MKX: variants seen among roughly 807,000 people sequenced by gnomAD.
The protein encoded by MKX is homeobox protein Mohawk.
In MKX, 13 loss-of-function variants were observed where a neutral mutation model predicts 36.0. That is an observed-to-expected ratio of 0.36 (90% confidence interval 0.24 to 0.57). MKX has a LOEUF of 0.57. MKX is among the 20% of genes least tolerant of loss of function. The probability of loss-of-function intolerance (pLI) is 0.79; values close to 1 mark genes in which losing one functional copy is unlikely to be tolerated. For missense variants in MKX, 458 were observed against 456.4 expected, an observed-to-expected ratio of 1.00 and a Z score of -0.03; for synonymous variants, 176 against 178.3, an observed-to-expected ratio of 0.99 and a Z score of 0.10.
chr10:27,745,116 G>C (rs1835022923), intron 1 of MKX, among the ~76,000 whole-genome samples: 1 of 152,044 alleles, frequency 6.6e-6, no homozygotes, highest in Non-Finnish European at 1.5e-5. Context: ...ACCCTTCCCC[G>C]GCCCGGCCTT....
intron 5 of MKX, among the ~76,000 whole-genome samples, chr10:27,690,918 T>C (rs1836442683): frequency 1.3e-5 from 2 of 152,186 alleles, no homozygotes; most frequent in Admixed American, 6.5e-5. Context: ...CCCCATGCTG[T>C]TCTCATGATA....
chr10:27,687,903 C>T (rs971097741), intron 5 of MKX, among the ~76,000 whole-genome samples: 18 of 152,176 alleles, frequency 1.2e-4, no homozygotes, highest in African/African-American at 2.7e-4. Context: ...GTATTCACCA[C>T]GAGGGTGGTC....
chr10:27,718,514 G>A, intron 5 of MKX: 1 of 384,804 alleles, frequency 2.6e-6, no homozygotes, highest in African/African-American at 2.1e-5. Context: ...GGAAATATTG[G>A]CAAGAAGGAG....
At chr10:27,723,540 A>C (rs1834424399) in intron 5 of MKX, among the ~76,000 whole-genome samples, 1 of 152,234 alleles carries the variant, frequency 6.6e-6, no homozygotes, top group Admixed American at 6.5e-5. Flanking sequence ...CAGCCACAAT[A>C]TTGCAACCAT....
At chr10:27,695,182 G>T (rs184266520) in intron 5 of MKX, among the ~76,000 whole-genome samples, 1 of 152,052 alleles carries the variant, frequency 6.6e-6, no homozygotes, top group East Asian at 1.9e-4. Flanking sequence ...CAGCAGTAGC[G>T]TGCCACTGTC....
chr10:27,717,411 C>T lies in MKX; in HGVS notation c.838+17045G>A, dbSNP rs1290010957. Among the ~76,000 whole-genome samples the T allele has an allele frequency of 2.0e-5, 3 of 152,228 alleles. No individual in the cohort carries two copies. The East Asian group carries it at 5.8e-4, about 29-fold the overall frequency. On this transcript the variant is annotated intron_variant, in intron 5 of 6. Coordinates refer to ENST00000419761, the MANE Select transcript of MKX (RefSeq NM_173576.3). The stretch of plus-strand genomic sequence containing the variant: ...CTGTAGTCATCAGTTTTCAACTTGA[C>T]ATTGTTAATGAATTCAGAAACCACA...
rs74129337 is a variant in MKX at position 27,694,832 on chromosome 10, G to A, written c.839-19278C>T. On this transcript the variant is annotated intron_variant, in intron 5 of 6. Transcript: ENST00000419761. ...TATCATACAAAAAAGCCTGGCACTC[G>A]TACACAAGAGTAAACAGACTACATA... 2.8e-3 allele frequency among the ~76,000 whole-genome samples: 424 copies of A among 151,068 alleles called. 8 individuals are homozygous for A. The highest frequency in any genetic ancestry group is 0.019 in the Admixed American group (288 of 15,170).
chr10:27,731,050 C>T (rs576812296), intron 5 of MKX, among the ~76,000 whole-genome samples: 1 of 148,494 alleles, frequency 6.7e-6, no homozygotes, highest in Non-Finnish European at 1.5e-5. Context: ...AGGAGAATTG[C>T]TTGAACTTGG....
At chr10:27,704,121 A>G (rs768057245) in intron 5 of MKX, among the ~76,000 whole-genome samples, 96 of 152,148 alleles carry the variant, frequency 6.3e-4, no homozygotes, top group Admixed American at 6.6e-4. Context: ...AAACAGATAA[A>G]ATGCATAGGG....
Position 27,675,375 on chromosome 10 carries a change from A to G in MKX, c.913T>C (p.Trp305Arg), listed in dbSNP as rs150079455. ...GCCATAGCTGCGTTGATCTCCTTCC[A>G]ATACGTGTCATCCTTGCTTGGTCCT... is the stretch of plus-strand genomic sequence containing the variant. ...RKGPSKDDTY[W>R]KEINAAMALT... The change falls in exon 7 of 7, where the codon TGG becomes CGG. Residue 305 changes from tryptophan to arginine, a missense_variant. Trp to Arg is a moderately radical substitution (Grantham distance 101). Around this residue, in one of 3 missense-constraint regions of MKX, gnomAD observed 297 missense variants for 304.4 expected, o/e 0.98. Coordinates refer to ENST00000419761, the MANE Select transcript of MKX (RefSeq NM_173576.3). The G allele has an allele frequency of 1.1e-5, 18 of 1,614,210 alleles. No individual in the cohort carries two copies. The highest frequency in any genetic ancestry group is 3.3e-5 in the Admixed American group (2 of 60,020).
Position 27,711,429 on chromosome 10 carries a change from C to CTCTT in MKX, c.838+23023_838+23026dup, listed in dbSNP as rs749757379. On this transcript the variant is annotated intron_variant, in intron 5 of 6. Coordinates refer to ENST00000419761, the MANE Select transcript of MKX (RefSeq NM_173576.3). Reference sequence around the variant, plus strand: ...CTTTCCTTCTTTCTTTCTTTCTTTTCTCTTTCTTTCTTTCTTTCTTTCTTT... The same window carrying CTCTT: ...CTTTCCTTCTTTCTTTCTTTCTTTTCTCTTTCTTTCTTTCTTTCTTTCTTTCTTT... Among the ~76,000 whole-genome samples the CTCTT allele has an allele frequency of 1.6e-3, 178 of 114,636 alleles. 3 individuals are homozygous for CTCTT. The highest frequency in any genetic ancestry group is 4.5e-3 in the Middle Eastern group (1 of 220). The allele number at this position is 114,636 out of a possible 152,430, so 75.2% of individuals were successfully genotyped here.
intron 5 of MKX, among the ~76,000 whole-genome samples, chr10:27,697,321 A>G (rs1027437492): frequency 3.3e-5 from 5 of 152,210 alleles, no homozygotes; most frequent in Admixed American, 6.5e-5. Context: ...GGAAAACTAT[A>G]CTTTGCATGC....
chr10:27,737,298 G>T (rs1370762200), intron 3 of MKX, among the ~76,000 whole-genome samples: 3 of 152,062 alleles, frequency 2.0e-5, no homozygotes, highest in African/African-American at 4.8e-5. Flanking sequence ...CTTCCATTCT[G>T]TTCTCTTAAA....
intron 3 of MKX, among the ~76,000 whole-genome samples, chr10:27,737,677 C>T (rs937570766): frequency 2.0e-5 from 3 of 152,024 alleles, no homozygotes; most frequent in African/African-American, 7.2e-5. Flanking sequence ...TGTTTTTGTC[C>T]TTCTTTGCTC....
rs117202721 is a variant in MKX at position 27,708,882 on chromosome 10, A to G, written c.838+25574T>C. Among the ~76,000 whole-genome samples the G allele has an allele frequency of 8.7e-4, 132 of 152,214 alleles. 3 individuals are homozygous for G. In the East Asian group the frequency reaches 0.024, roughly 27 times the overall value. On this transcript the variant is annotated intron_variant, in intron 5 of 6. Transcript: ENST00000419761. Reference sequence around the variant, plus strand: ...AAAAAATAAACAATAAAAAGCAGCAATACCGGTTGGGTGCAGTGGCTCACG... The same window carrying G: ...AAAAAATAAACAATAAAAAGCAGCAGTACCGGTTGGGTGCAGTGGCTCACG...
intron 5 of MKX, among the ~76,000 whole-genome samples, chr10:27,731,400 A>G (rs1256294301): frequency 6.6e-6 from 1 of 152,134 alleles, no homozygotes; most frequent in Non-Finnish European, 1.5e-5. Context: ...GTATTTCTTG[A>G]AATCCCCTGT....
At chr10:27,743,937 G>A (rs910125853) in intron 1 of MKX, among the ~76,000 whole-genome samples, 1 of 152,102 alleles carries the variant, frequency 6.6e-6, no homozygotes, top group African/African-American at 2.4e-5. Context: ...GGGGCGTCAG[G>A]AGGGGTTGGA....
intron 5 of MKX, among the ~76,000 whole-genome samples, chr10:27,708,590 G>A (rs914559969): frequency 3.9e-5 from 6 of 152,046 alleles, no homozygotes; most frequent in South Asian, 2.1e-4. Flanking sequence ...TTAGCTGAGC[G>A]TGGTGGCGTG....
intron 5 of MKX, among the ~76,000 whole-genome samples, chr10:27,696,501 G>C (rs1221914868): frequency 6.6e-6 from 1 of 152,068 alleles, no homozygotes; most frequent in Non-Finnish European, 1.5e-5. Context: ...CTGGGTCAAG[G>C]GCAGTTATGT....
Sources: allele counts gnomAD v4.1 joint callset (sites outside exome capture counted in the v4.1 genomes callset), GRCh38; gene constraint gnomAD v4.1.1; regional missense constraint gnomAD v4.1.1; transcripts MANE v1.5; gene names NCBI Gene and HGNC (gene_info 2026-07-23, HGNC 2026-07-21).